The following TMEM209 variants were observed in gnomAD, a reference collection of about 807,000 sequenced individuals.
The protein encoded by TMEM209 is testicular tissue protein Li 202.
In TMEM209, 65 loss-of-function variants were observed where a neutral mutation model predicts 76.2. That is an observed-to-expected ratio of 0.85 (90% CI 0.70 to 1.05). The LOEUF is 1.05. TMEM209 is among the 50% of genes least tolerant of loss of function. The pLI, the probability that TMEM209 is intolerant of heterozygous loss-of-function variation, is 0.00. For missense variants in TMEM209, 623 were observed against 685.5 expected, an observed-to-expected ratio of 0.91 and a Z score of 1.02; for synonymous variants, 239 against 237.6, an observed-to-expected ratio of 1.01 and a Z score of -0.06.
intron 6 of TMEM209, among the ~76,000 whole-genome samples, chr7:130,188,469 A>G (rs868284580): frequency 2.7e-4 from 41 of 151,646 alleles, no homozygotes; most frequent in Middle Eastern, 3.4e-3. Context: ...GGTGGCAGGC[A>G]CCTGTAGTCC....
intron 8 of TMEM209, chr7:130,182,172 C>T (rs1797443951): frequency 6.5e-6 from 1 of 153,902 alleles, no homozygotes; most frequent in Non-Finnish European, 1.4e-5. Flanking sequence ...GAACTCCTGA[C>T]CTCAGGTGAT....
At chr7:130,205,270 A>C (rs1798408212) in intron 1 of TMEM209, 103 bp downstream of exon 1, 2 of 1,611,402 alleles carry the variant, frequency 1.2e-6, no homozygotes, top group African/African-American at 2.7e-5. Context: ...ACGCCTAGCC[A>C]CATCCCCCTT....
rs573827205 is a variant in TMEM209, at chr7:130,179,078, G to A, written c.1121-551C>T. ...GTTGAGATCACAGGTGTTAGCCATC[G>A]TGCCTGGCCCAAAGTACTTTATCTT... On this transcript the variant is annotated intron_variant, in intron 9 of 14. Transcript: ENST00000397622. Among the ~76,000 whole-genome samples, 8 of 152,226 alleles carry A rather than the reference G, an allele frequency of 5.3e-5. No homozygotes were observed. The East Asian group carries it at 9.7e-4, about 18-fold the overall frequency.
At chr7:130,176,417 A>T (rs909726202) in intron 10 of TMEM209, among the ~76,000 whole-genome samples, 1 of 152,048 alleles carries the variant, frequency 6.6e-6, no homozygotes, top group African/African-American at 2.4e-5. Flanking sequence ...CACCGTGCCC[A>T]GCCCACTGTA....
chr7:130,189,231 C>T (rs1203868535), intron 6 of TMEM209, among the ~76,000 whole-genome samples: 1 of 152,166 alleles, frequency 6.6e-6, no homozygotes, highest in South Asian at 2.1e-4. Context: ...GAGTCTCACT[C>T]TGTCACCCAG....
intron 5 of TMEM209, among the ~76,000 whole-genome samples, chr7:130,193,477 T>C (rs966117248): frequency 1.3e-5 from 2 of 151,516 alleles, no homozygotes; most frequent in Non-Finnish European, 2.9e-5. Flanking sequence ...AGGCGGAGGT[T>C]GTGGCGAGCC....
intron 14 of TMEM209, among the ~76,000 whole-genome samples, chr7:130,168,819 T>C (rs1796958033): frequency 6.6e-6 from 1 of 152,200 alleles, no homozygotes. Context: ...CACTGCTGTG[T>C]TATTTAAATA....
In TMEM209 at chr7:130,166,404, C is replaced by G; in HGVS notation, c.*47G>C. The G allele has an allele frequency of 2.0e-6, 3 of 1,483,422 alleles. No individual in the cohort carries two copies. The highest frequency in any genetic ancestry group is 2.7e-6 in the Non-Finnish European group (3 of 1,102,606). The allele number at this position is 1,483,422 out of a possible 1,614,324, so 91.9% of individuals were successfully genotyped here. On this transcript the variant is annotated 3_prime_UTR_variant, in exon 15 of 15. Transcript: ENST00000397622. ...GCTCAGAGATGTTTAGTTTCGACTTCTGGTTCAGTGAAATAGTCTAAATGT... is the reference window on the plus strand; with the variant it reads ...GCTCAGAGATGTTTAGTTTCGACTTGTGGTTCAGTGAAATAGTCTAAATGT...
In TMEM209 at chr7:130,191,887, T is replaced by C. The variant is rs118015956; in HGVS notation, c.775+735A>G. ...ATGTATCAAAAATAAGAAGATAGTATTGACTGGTTTCTGTAACATCTGTGG... is the reference window on the plus strand; with the variant it reads ...ATGTATCAAAAATAAGAAGATAGTACTGACTGGTTTCTGTAACATCTGTGG... On this transcript the variant is annotated intron_variant, in intron 6 of 14. Transcript: ENST00000397622. Among the ~76,000 whole-genome samples, 697 of 152,346 alleles carry C rather than the reference T, an allele frequency of 4.6e-3. 3 individuals are homozygous for C. The highest frequency in any genetic ancestry group is 8.4e-3 in the Admixed American group (129 of 15,298).
chr7:130,186,900 CCTAAAACAT>C (rs1474612764), intron 6 of TMEM209, among the ~76,000 whole-genome samples: 1 of 152,126 alleles, frequency 6.6e-6, no homozygotes, highest in Non-Finnish European at 1.5e-5. Context: ...AACCAGACAA[CCTAAAACAT>C]CTCCCACTAT....
Position 130,166,445 on chromosome 7 carries a change from G to C in TMEM209, c.*6C>G, listed in dbSNP as rs372029714. 10 of 1,543,526 alleles carry C rather than the reference G, an allele frequency of 6.5e-6. No homozygotes were observed. Among genetic ancestry groups the C allele is most frequent in the Non-Finnish European group, 8.7e-6 (10 of 1,143,832 alleles). ...GTCTAAATGTCAGAATTAAATATAT[G>C]ACTTGCTACTCGCCAAAGATCCACA... On this transcript the variant is annotated 3_prime_UTR_variant, in exon 15 of 15. Coordinates refer to ENST00000397622, the MANE Select transcript of TMEM209 (RefSeq NM_032842.4).
intron 5 of TMEM209, among the ~76,000 whole-genome samples, chr7:130,196,072 C>T (rs1797961431): frequency 6.6e-6 from 1 of 152,054 alleles, no homozygotes; most frequent in Admixed American, 6.6e-5. Context: ...GTTCATACCC[C>T]AGCAAAATAT....
intron 6 of TMEM209, among the ~76,000 whole-genome samples, chr7:130,190,000 G>A (rs74664411): frequency 0.011 from 1,621 of 152,216 alleles, 37 homozygotes; most frequent in African/African-American, 0.037. Flanking sequence ...AAGGTGGCGC[G>A]GGCAGGGGGA....
Position 130,188,788 on chromosome 7 carries a change from C to T in TMEM209, c.776-3421G>A, listed in dbSNP as rs577801255. Among the ~76,000 whole-genome samples the T allele has an allele frequency of 3.5e-3, 528 of 151,886 alleles. 7 individuals carry two copies. Among genetic ancestry groups the T allele is most frequent in the African/African-American group, 0.012 (508 of 41,402 alleles). On this transcript the variant is annotated intron_variant, in intron 6 of 14. Transcript: ENST00000397622. Reference sequence around the variant, plus strand: ...GTGATCCTATTTTATTATATATTACCGACAAAGAGACAAAGCAGCATCACG... The same window carrying T: ...GTGATCCTATTTTATTATATATTACTGACAAAGAGACAAAGCAGCATCACG...
intron 3 of TMEM209, among the ~76,000 whole-genome samples, 188 bp from the exon 4 acceptor site, chr7:130,202,851 G>A (rs1798267649): frequency 6.6e-6 from 1 of 152,148 alleles, no homozygotes; most frequent in Non-Finnish European, 1.5e-5. Flanking sequence ...CACTCTGGGA[G>A]GCTGAGGCGA....
intron 3 of TMEM209, among the ~76,000 whole-genome samples, chr7:130,203,245 T>C (rs1584702306): frequency 6.6e-6 from 1 of 152,336 alleles, no homozygotes; most frequent in East Asian, 1.9e-4. Flanking sequence ...GAGAGTTAGT[T>C]AGTGAAGCCA....
intron 9 of TMEM209, among the ~76,000 whole-genome samples, chr7:130,180,864 T>C (rs548540205): frequency 6.6e-6 from 1 of 152,270 alleles, no homozygotes; most frequent in Non-Finnish European, 1.5e-5. Context: ...CTGGTGGGAA[T>C]GTAAAATGGT....
intron 6 of TMEM209, among the ~76,000 whole-genome samples, chr7:130,191,278 T>C (rs1057038029): frequency 2.0e-5 from 3 of 151,482 alleles, no homozygotes; most frequent in Non-Finnish European, 4.4e-5. Context: ...ATTCTGAATT[T>C]ACATGCATTT....
rs187699708 is a variant in TMEM209 at position 130,166,277 on chromosome 7, G to A, written c.*174C>T. The stretch of plus-strand genomic sequence containing the variant: ...CAATGTCTCGATATAGAAGATACGG[G>A]ACATATTTTTACAATTACATTTCAT... On this transcript the variant is annotated 3_prime_UTR_variant, in exon 15 of 15. Coordinates refer to ENST00000397622, the MANE Select transcript of TMEM209 (RefSeq NM_032842.4). 1.8e-4 allele frequency: 83 copies of A among 454,052 alleles called. No individual in the cohort carries two copies. Among genetic ancestry groups the A allele is most frequent in the African/African-American group, 1.6e-3 (77 of 49,426 alleles). The allele number at this position is 454,052 out of a possible 1,614,324, so 28.1% of individuals were successfully genotyped here.
Sources: allele counts gnomAD v4.1 joint callset (sites outside exome capture counted in the v4.1 genomes callset), GRCh38; gene constraint gnomAD v4.1.1; transcripts MANE v1.5; gene names NCBI Gene and HGNC (gene_info 2026-07-23, HGNC 2026-07-21).